WDR37: variants seen among roughly 807,000 people sequenced by gnomAD.
WDR37 encodes the protein WD repeat domain 37.
Under a neutral mutation model 62.9 loss-of-function variants are expected in WDR37, and 19 were observed. That is an observed-to-expected ratio of 0.30 (90% confidence interval 0.21 to 0.44). The LOEUF is 0.44. Ranked by LOEUF, WDR37 falls within the 20% of genes least tolerant of loss-of-function variation. The probability of loss-of-function intolerance (pLI) is 1.00; values close to 1 mark genes in which losing one functional copy is unlikely to be tolerated. For synonymous variants in WDR37, 250 were observed against 260.9 expected (o/e 0.96, Z 0.40); for missense variants, 474 against 657.6 (o/e 0.72, Z 3.05).
At chr10:1,097,766 T>C (rs1382294916) in intron 9 of WDR37, among the ~76,000 whole-genome samples, 2 of 152,110 alleles carry the variant, frequency 1.3e-5, no homozygotes, top group Non-Finnish European at 2.9e-5. Flanking sequence ...TTGGACTTGC[T>C]TGGGCCCCAC....
At position 1,103,754 on chromosome 10, in the gene WDR37, G is replaced by A. The variant is rs753899751; in HGVS notation, c.879G>A (p.Gly293=). The change falls in exon 10 of 14, where the codon GGG becomes GGA. Residue 293 remains glycine, a synonymous_variant. Coordinates refer to ENST00000263150, the MANE Select transcript of WDR37 (RefSeq NM_014023.4). The surrounding 1 kb of genome is among the most constrained non-coding windows in gnomAD (Gnocchi z 6.3). ...TCGCCTCCGACTGGCTGGTTGGGGG[G>A]AAGCAGGCTGTGACTGCCTCCTGGG... ...VVIASDWLVG[G]KQAVTASWDR... 1.2e-6 allele frequency: 2 copies of A among 1,614,242 alleles called. No individual in the cohort carries two copies. Among genetic ancestry groups the A allele is most frequent in the East Asian group, 2.2e-5 (1 of 44,886 alleles).
At chr10:1,062,826 G>A (rs558038612) in intron 1 of WDR37, among the ~76,000 whole-genome samples, 79 of 152,242 alleles carry the variant, frequency 5.2e-4, no homozygotes, top group Non-Finnish European at 9.1e-4. Context: ...AGTGGCTCAC[G>A]CCTGTAATCC....
chr10:1,121,007 C>T lies in WDR37; in HGVS notation c.1104-3211C>T, dbSNP rs529744023. Among the ~76,000 whole-genome samples, 9 of 152,318 alleles carry T rather than the reference C, an allele frequency of 5.9e-5. No homozygotes were observed. In the South Asian group the frequency reaches 6.2e-4, roughly 11 times the overall value. ...GCACTGTCAGCTGGAGGAGCACGCT[C>T]GGCTGCCCCACACGACAAGATAAAT... On this transcript the variant is annotated intron_variant, in intron 11 of 13. Coordinates refer to ENST00000263150, the MANE Select transcript of WDR37 (RefSeq NM_014023.4). The surrounding 1 kb of genome is among the most constrained non-coding windows in gnomAD (Gnocchi z 4.5).
At chr10:1,114,862 A>G (rs866885673) in intron 11 of WDR37, among the ~76,000 whole-genome samples, 1 of 152,318 alleles carries the variant, frequency 6.6e-6, no homozygotes, top group Middle Eastern at 3.4e-3. Context: ...CACGCAGGCC[A>G]TTCCAGCGTG....
intron 2 of WDR37, among the ~76,000 whole-genome samples, chr10:1,072,607 C>T (rs530062546): frequency 6.6e-6 from 1 of 152,214 alleles, no homozygotes; most frequent in Admixed American, 6.5e-5. Context: ...AGCCACCGGC[C>T]CCGGGATCAA....
chr10:1,125,794 C>G (rs10903372), intron 13 of WDR37, among the ~76,000 whole-genome samples: 1 of 152,052 alleles, frequency 6.6e-6, no homozygotes, highest in African/African-American at 2.4e-5. Context: ...CAGGCTGTTG[C>G]GACAGGAAGA....
intron 1 of WDR37, among the ~76,000 whole-genome samples, chr10:1,064,583 C>CTTTTTTTTTTTTTTTTTTTTTTTTTTT (rs71376884): frequency 1.4e-5 from 1 of 70,464 alleles, no homozygotes; most frequent in Non-Finnish European, 2.4e-5. Flanking sequence ...GACAATGGAT[C>CTTTTTTTTTTTTTTTTTTTTTTTTTTT]TTTTTTTTTT....
rs1835925728 is a variant in WDR37, at chr10:1,130,407, C to T, written c.*1063C>T. The stretch of plus-strand genomic sequence containing the variant: ...GGTGTAGGCTCTCCACTTAGGCGCA[C>T]AAGCTGACGGCTGCAGCCAGCAGGC... On this transcript the variant is annotated 3_prime_UTR_variant, in exon 14 of 14. Transcript: ENST00000263150. The T allele has an allele frequency of 6.5e-6, 1 of 152,698 alleles. No homozygotes were observed. The highest frequency in any genetic ancestry group is 2.1e-4 in the South Asian group (1 of 4,832). 9.5% of individuals were successfully genotyped at this position (152,698 alleles called of 1,614,324 possible).
In WDR37 at chr10:1,129,209, C is replaced by T. The variant is rs1354322533; in HGVS notation, c.1354-4C>T. ...CTGATTTTGGTTTGTTTGATCATCACTAGGGCCACAGGAGAATGGTATGCT... is the reference window on the plus strand; with the variant it reads ...CTGATTTTGGTTTGTTTGATCATCATTAGGGCCACAGGAGAATGGTATGCT... On this transcript the variant is annotated splice_polypyrimidine_tract_variant and splice_region_variant and intron_variant, in intron 13 of 13. Transcript: ENST00000263150. 1 of 1,613,454 alleles carries T rather than the reference C, an allele frequency of 6.2e-7. No homozygotes were observed. Among genetic ancestry groups the T allele is most frequent in the Non-Finnish European group, 8.5e-7 (1 of 1,179,544 alleles).
Position 1,075,667 on chromosome 10 carries a change from T to C in WDR37, c.139-2240T>C, listed in dbSNP as rs74120416. Among the ~76,000 whole-genome samples, 820 of 152,000 alleles carry C rather than the reference T, an allele frequency of 5.4e-3. 9 individuals are homozygous for C. The highest frequency in any genetic ancestry group is 0.019 in the African/African-American group (775 of 41,414). ...AGAAGGGCTTTTGGGGAGGGATGCT[T>C]GTGGGGAGGGATGTTCACAGAGTGG... On this transcript the variant is annotated intron_variant, in intron 2 of 13. Transcript: ENST00000263150.
chr10:1,124,221 T>C lies in WDR37; in HGVS notation c.1107T>C (p.Thr369=), dbSNP rs770619525. The change falls in exon 12 of 14, where the codon ACT becomes ACC. Residue 369 remains threonine (T), a synonymous_variant. Transcript: ENST00000263150. ...ACTCTGTGCCCTTTGTTCATAGCACTGTGACTTCTGCCGTGTTCACCGTGG... is the reference window on the plus strand; with the variant it reads ...ACTCTGTGCCCTTTGTTCATAGCACCGTGACTTCTGCCGTGTTCACCGTGG... ...SVNVFQGHTD[T]VTSAVFTVGD... 12 of 1,614,094 alleles carry C rather than the reference T, an allele frequency of 7.4e-6. No homozygotes were observed. In the Admixed American group the frequency reaches 1.2e-4, roughly 16 times the overall value.
intron 2 of WDR37, among the ~76,000 whole-genome samples, chr10:1,074,041 C>A (rs550028515): frequency 6.6e-6 from 1 of 152,200 alleles, no homozygotes; most frequent in Non-Finnish European, 1.5e-5. Flanking sequence ...AACCACCAGT[C>A]ACGTGGCTGC....
chr10:1,060,714 A>G (rs773038830), intron 1 of WDR37, among the ~76,000 whole-genome samples: 12 of 152,260 alleles, frequency 7.9e-5, no homozygotes, highest in South Asian at 2.1e-4. Flanking sequence ...GTTAAATACA[A>G]TCGGGTGCCA....
At chr10:1,057,313 G>GGGCGCTGGAGGACCCGGGGC (rs1554821955) in intron 1 of WDR37, among the ~76,000 whole-genome samples, 2 of 146,512 alleles carry the variant, frequency 1.4e-5, no homozygotes, top group Admixed American at 6.7e-5. Context: ...GGAAGAGTCG[G>GGGCGCTGGAGGACCCGGGGC]GGCGCTGGAG....
chr10:1,074,924 C>T (rs1833827251), intron 2 of WDR37, among the ~76,000 whole-genome samples: 1 of 152,256 alleles, frequency 6.6e-6, no homozygotes, highest in Admixed American at 6.5e-5. Flanking sequence ...TGGCTGCGGC[C>T]TGAAGAGCTG....
At chr10:1,067,803 T>C (rs1351155679) in intron 1 of WDR37, among the ~76,000 whole-genome samples, 1 of 152,112 alleles carries the variant, frequency 6.6e-6, no homozygotes, top group Non-Finnish European at 1.5e-5. Context: ...AGCAAAGGTA[T>C]GGAATCAACC....
chr10:1,094,447 C>T (rs951074138), intron 8 of WDR37, among the ~76,000 whole-genome samples: 4 of 152,086 alleles, frequency 2.6e-5, no homozygotes, highest in Non-Finnish European at 4.4e-5. Flanking sequence ...GCGAGTCATG[C>T]GGTTTGGTTG....
In WDR37 at chr10:1,084,364, C is replaced by T. The variant is rs773425259; in HGVS notation, c.397-39C>T. ...TTTCTTGACTTAGAAAAATTTACTTCAGTAAATTGTTTCACAAGACTCCCC... is the reference window on the plus strand; with the variant it reads ...TTTCTTGACTTAGAAAAATTTACTTTAGTAAATTGTTTCACAAGACTCCCC... On this transcript the variant is annotated intron_variant, in intron 5 of 13. Transcript: ENST00000263150. 4.4e-6 allele frequency: 7 copies of T among 1,591,354 alleles called. No homozygotes were observed. The South Asian group carries it at 6.7e-5, about 15-fold the overall frequency.
chr10:1,103,001 G>A lies in WDR37; in HGVS notation c.727-601G>A, dbSNP rs1048958824. Among the ~76,000 whole-genome samples, 1 of 152,182 alleles carries A rather than the reference G, an allele frequency of 6.6e-6. No homozygotes were observed. The highest frequency in any genetic ancestry group is 1.5e-5 in the Non-Finnish European group (1 of 68,032). The stretch of plus-strand genomic sequence containing the variant: ...TGTGTAAGCAGCACCTGGGCTGGGG[G>A]TGGGGACTGGCACTCTGTCACCCCC... On this transcript the variant is annotated intron_variant, in intron 9 of 13. Transcript: ENST00000263150. This position sits in a 1 kb window ranked among gnomAD's most constrained non-coding sequence, Gnocchi z 6.3.
Sources: gnomAD v4.1 joint callset for allele counts (sites outside exome capture counted in the v4.1 genomes callset) on GRCh38, gnomAD v4.1.1 for gene constraint, Gnocchi (gnomAD v3.1) non-coding constraint, MANE v1.5 for transcripts, NCBI Gene and HGNC (gene_info 2026-07-23, HGNC 2026-07-21) for gene names.